Variants in CIROZ observed in about 807,000 individuals in gnomAD.
CIROZ encodes ciliated left-right organizer protein containing ZP-N domains.
the CIROZ span, among the ~76,000 whole-genome samples, chr1:10,979,841 G>T: frequency 1.3e-5 from 2 of 152,086 alleles, no homozygotes; most frequent in African/African-American, 4.8e-5. Context: ...TGAGGTCAGG[G>T]GTTTGAGAGC....
chr1:10,949,808 C>G, the CIROZ span: 1 of 1,552,928 alleles, frequency 6.4e-7, no homozygotes, highest in Non-Finnish European at 8.7e-7. Context: ...CGACTCTGTT[C>G]CTGAACCTTC....
chr1:10,949,500 G>A, the CIROZ span: 3 of 1,096,364 alleles, frequency 2.7e-6, no homozygotes, highest in Admixed American at 6.4e-5. Context: ...ATCAGAGTGG[G>A]GCTCTCTTTG....
the CIROZ span, among the ~76,000 whole-genome samples, chr1:10,951,745 A>AATATATAT: frequency 1.2e-4 from 14 of 119,178 alleles, no homozygotes; most frequent in African/African-American, 3.9e-4. Flanking sequence ...AAAAAAAAAA[A>AATATATAT]ATATATATAT....
the CIROZ span, among the ~76,000 whole-genome samples, chr1:10,960,842 G>A: frequency 6.6e-6 from 1 of 152,204 alleles, no homozygotes; most frequent in Non-Finnish European, 1.5e-5. The surrounding 1 kb of genome is among the most constrained non-coding windows in gnomAD (Gnocchi z 4.6). Flanking sequence ...GTGCAGCCAC[G>A]GAAGTGGCGG....
chr1:10,972,252 A>G, the CIROZ span, among the ~76,000 whole-genome samples: 1 of 152,042 alleles, frequency 6.6e-6, no homozygotes, highest in Non-Finnish European at 1.5e-5. Flanking sequence ...AGTTAAATAT[A>G]CTCCAAGCTG....
At chr1:10,947,917 A>G in the CIROZ span, 1 of 1,613,814 alleles carries the variant, frequency 6.2e-7, no homozygotes, top group Non-Finnish European at 8.5e-7. Flanking sequence ...CCCACAGGCC[A>G]GCCAGGGGCT....
the CIROZ span, among the ~76,000 whole-genome samples, chr1:10,975,133 C>T: frequency 4.6e-5 from 7 of 152,080 alleles, no homozygotes; most frequent in South Asian, 2.1e-4. Context: ...TTGGGCCGGG[C>T]GCGGTGGCTC....
chr1:10,954,057 G>C, the CIROZ span: 2 of 1,613,418 alleles, frequency 1.2e-6, no homozygotes, highest in South Asian at 2.2e-5. Context: ...CCAGAGGACC[G>C]GGGCAGCCAT....
the CIROZ span, chr1:10,955,005 C>G: frequency 1.5e-5 from 24 of 1,603,738 alleles, no homozygotes; most frequent in Admixed American, 3.3e-5. Flanking sequence ...CCTGGAGCAC[C>G]CCGGCCGCCG....
chr1:10,965,094 C>G, the CIROZ span, among the ~76,000 whole-genome samples: 1 of 152,060 alleles, frequency 6.6e-6, no homozygotes, highest in African/African-American at 2.4e-5. Context: ...GATGTCAAAC[C>G]AATGGGTCCC....
At chr1:10,966,334 A>T in the CIROZ span, 3 of 1,499,924 alleles carry the variant, frequency 2.0e-6, no homozygotes, top group South Asian at 3.9e-5. Flanking sequence ...TAAAAAAAAA[A>T]AAAGAAAAGT....
the CIROZ span, chr1:10,954,062 A>C: frequency 6.2e-7 from 1 of 1,613,814 alleles, no homozygotes; most frequent in Non-Finnish European, 8.5e-7. Flanking sequence ...GGACCGGGGC[A>C]GCCATCTCGG....
chr1:10,970,027 G>A, the CIROZ span: 1 of 1,536,982 alleles, frequency 6.5e-7, no homozygotes, highest in South Asian at 1.2e-5. Flanking sequence ...TGGCTCCTTG[G>A]GATCCACAGG....
At chr1:10,957,828 C>T in the CIROZ span, 2 of 1,496,756 alleles carry the variant, frequency 1.3e-6, no homozygotes, top group African/African-American at 2.8e-5. Context: ...AGAGGGGACA[C>T]TTGAAGGGTC....
chr1:10,955,212 A>G, the CIROZ span: 1 of 1,571,880 alleles, frequency 6.4e-7, no homozygotes, highest in East Asian at 2.3e-5. Flanking sequence ...CACAGGACAC[A>G]GAAAAAGGCA....
At chr1:10,947,656 T>C in the CIROZ span, 9 of 1,482,080 alleles carry the variant, frequency 6.1e-6, no homozygotes, top group East Asian at 2.4e-5. Context: ...GGAGTCTCCA[T>C]GGAGGCTCAG....
chr1:10,948,104 G>A, the CIROZ span: 1 of 1,613,502 alleles, frequency 6.2e-7, no homozygotes, highest in Non-Finnish European at 8.5e-7. Flanking sequence ...GCCAGGCACT[G>A]GGGTCTGGCT....
chr1:10,967,105 T>C, the CIROZ span, among the ~76,000 whole-genome samples: 4 of 148,980 alleles, frequency 2.7e-5, no homozygotes, highest in African/African-American at 9.9e-5. Context: ...GCCAAGATTG[T>C]GCCACTGCAC....
the CIROZ span, among the ~76,000 whole-genome samples, chr1:10,978,868 CG>C: frequency 1.3e-5 from 2 of 152,048 alleles, no homozygotes; most frequent in Non-Finnish European, 2.9e-5. Context: ...ACAGAGGGGC[CG>C]CTGGTGGGCA....
Sources: allele counts gnomAD v4.1 joint callset (sites outside exome capture counted in the v4.1 genomes callset), GRCh38; gene constraint gnomAD v4.1.1; non-coding constraint Gnocchi (gnomAD v3.1); transcripts MANE v1.5; gene names NCBI Gene and HGNC (gene_info 2026-07-23, HGNC 2026-07-21).